The following CPNE8 variants were observed in gnomAD, a reference collection of about 807,000 sequenced individuals.
The protein encoded by CPNE8 is copine 8.
Under a neutral mutation model 81.5 loss-of-function variants are expected in CPNE8, and 45 were observed. The ratio of observed to expected loss-of-function variants is 0.55; its 90% CI spans 0.44 to 0.71. CPNE8 has a LOEUF of 0.71. CPNE8 is among the 30% of genes least tolerant of loss of function. The probability of loss-of-function intolerance (pLI) is 0.00; values close to 1 mark genes in which losing one functional copy is unlikely to be tolerated. For missense variants in CPNE8, 594 were observed against 672.1 expected (o/e 0.88, Z 1.28); for synonymous variants, 252 against 226.3 (o/e 1.11, Z -1.02).
At chr12:38,851,935 C>A (rs1394871702) in intron 3 of CPNE8, among the ~76,000 whole-genome samples, 1 of 152,108 alleles carries the variant, frequency 6.6e-6, no homozygotes, top group Non-Finnish European at 1.5e-5. Flanking sequence ...ATGGCCTTTG[C>A]ACCTGCTATT....
At chr12:38,890,371 T>C (rs902061956) in intron 1 of CPNE8, among the ~76,000 whole-genome samples, 2 of 151,818 alleles carry the variant, frequency 1.3e-5, no homozygotes, top group Non-Finnish European at 2.9e-5. Context: ...AGGAAAGACA[T>C]GATTTATGGA....
intron 6 of CPNE8, among the ~76,000 whole-genome samples, chr12:38,789,983 G>C (rs924661266): frequency 1.3e-5 from 2 of 151,574 alleles, no homozygotes; most frequent in Non-Finnish European, 3.0e-5. Context: ...TAAACCCTTG[G>C]ACCTTCTTAG....
chr12:38,776,735 A>G (rs1454460409), intron 6 of CPNE8, among the ~76,000 whole-genome samples: 1 of 152,116 alleles, frequency 6.6e-6, no homozygotes, highest in Non-Finnish European at 1.5e-5. Context: ...TGCATCATCT[A>G]ATTATGTTTC....
At chr12:38,865,549 TA>T (rs1297449493) in intron 3 of CPNE8, among the ~76,000 whole-genome samples, 1 of 152,170 alleles carries the variant, frequency 6.6e-6, no homozygotes, top group Admixed American at 6.5e-5. Context: ...ATAAAAGGCT[TA>T]AAAATGGGCA....
intron 9 of CPNE8, 26 bp downstream of exon 9, chr12:38,762,086 A>AT: frequency 1.7e-6 from 2 of 1,167,506 alleles, no homozygotes; most frequent in South Asian, 2.1e-5. Flanking sequence ...TTATTTGAAG[A>AT]TTTTTGAATA....
chr12:38,676,088 C>G, intron 17 of CPNE8: 2 of 245,482 alleles, frequency 8.1e-6, no homozygotes, highest in Non-Finnish European at 1.3e-5. Context: ...TGCACTCCAG[C>G]CTGGGCAACA....
At chr12:38,770,413 T>G (rs573616682) in intron 7 of CPNE8, among the ~76,000 whole-genome samples, 60 of 152,300 alleles carry the variant, frequency 3.9e-4, no homozygotes, top group Non-Finnish European at 7.8e-4. Context: ...TCCAGTTCAA[T>G]CTTATTTCTC....
intron 6 of CPNE8, among the ~76,000 whole-genome samples, chr12:38,795,319 T>C (rs763282395): frequency 2.0e-5 from 3 of 152,204 alleles, no homozygotes; most frequent in Non-Finnish European, 4.4e-5. Flanking sequence ...ACAATGGACT[T>C]CCCTTAAAAA....
At chr12:38,704,426 A>G (rs1940034813) in intron 13 of CPNE8, among the ~76,000 whole-genome samples, 1 of 152,106 alleles carries the variant, frequency 6.6e-6, no homozygotes, top group African/African-American at 2.4e-5. Context: ...ATACAGATAT[A>G]TACTGATTGA....
chr12:38,713,263 C>A (rs949609505), intron 13 of CPNE8, among the ~76,000 whole-genome samples: 2 of 152,112 alleles, frequency 1.3e-5, no homozygotes, highest in Admixed American at 6.6e-5. Context: ...GAAGTTACTG[C>A]CCACTTACTG....
Position 38,739,671 on chromosome 12 carries a change from A to C in CPNE8, c.723-9313T>G, listed in dbSNP as rs902746150. The stretch of plus-strand genomic sequence containing the variant: ...TCAAAACCATAAAATACCTTTTCCT[A>C]TTCACTTTTTAAAAGTTGATATAAT... On this transcript the variant is annotated intron_variant, in intron 10 of 19. Coordinates refer to ENST00000331366, the MANE Select transcript of CPNE8 (RefSeq NM_153634.3). 4.6e-5 allele frequency among the ~76,000 whole-genome samples: 7 copies of C among 152,258 alleles called. No individual in the cohort carries two copies. In the South Asian group the frequency reaches 8.3e-4, roughly 18 times the overall value.
At chr12:38,797,855 G>A (rs1021129197) in intron 6 of CPNE8, among the ~76,000 whole-genome samples, 5 of 152,130 alleles carry the variant, frequency 3.3e-5, no homozygotes, top group African/African-American at 1.2e-4. Context: ...AGTGCTTAAA[G>A]GAGCTGATGG....
chr12:38,725,841 T>C (rs1035970725), intron 11 of CPNE8, among the ~76,000 whole-genome samples: 6 of 152,124 alleles, frequency 3.9e-5, no homozygotes, highest in African/African-American at 1.4e-4. Flanking sequence ...TGGGTGTTAA[T>C]TTAGTTGATG....
At chr12:38,686,472 G>C (rs1374670545) in intron 15 of CPNE8, among the ~76,000 whole-genome samples, 1 of 152,112 alleles carries the variant, frequency 6.6e-6, no homozygotes, top group Non-Finnish European at 1.5e-5. Context: ...AATTCTCCTA[G>C]TCCAAATTAC....
intron 17 of CPNE8, 92 bp downstream of exon 17, chr12:38,677,360 A>C (rs1288740139): frequency 2.8e-6 from 2 of 721,666 alleles, no homozygotes; most frequent in Admixed American, 4.4e-5. Flanking sequence ...TGGTGATTTT[A>C]TTTTATTGTT....
At chr12:38,798,240 A>T (rs1942554144) in intron 6 of CPNE8, among the ~76,000 whole-genome samples, 1 of 152,112 alleles carries the variant, frequency 6.6e-6, no homozygotes, top group Non-Finnish European at 1.5e-5. Context: ...TCCAAGACAC[A>T]TAATTGTCGG....
At chr12:38,893,677 C>G (rs754685141) in intron 1 of CPNE8, among the ~76,000 whole-genome samples, 1 of 152,108 alleles carries the variant, frequency 6.6e-6, no homozygotes, top group African/African-American at 2.4e-5. Context: ...ATCCAAGAAC[C>G]CTCTCTTGGT....
chr12:38,875,239 A>G (rs1944050227), intron 1 of CPNE8, among the ~76,000 whole-genome samples: 1 of 152,184 alleles, frequency 6.6e-6, no homozygotes, highest in Non-Finnish European at 1.5e-5. Flanking sequence ...CTTTATGCTC[A>G]TAACAATAAC....
At chr12:38,723,147 G>A (rs758592918) in intron 13 of CPNE8, among the ~76,000 whole-genome samples, 2 of 152,098 alleles carry the variant, frequency 1.3e-5, no homozygotes, top group African/African-American at 2.4e-5. Flanking sequence ...GGGATGCTTG[G>A]TAAGGTTAAG....
Sources: gnomAD v4.1 joint callset for allele counts (sites outside exome capture counted in the v4.1 genomes callset) on GRCh38, gnomAD v4.1.1 for gene constraint, MANE v1.5 for transcripts, NCBI Gene and HGNC (gene_info 2026-07-23, HGNC 2026-07-21) for gene names.